The following BAZ2B variants were observed in gnomAD, a reference collection of about 807,000 sequenced individuals.
BAZ2B encodes bromodomain adjacent to zinc finger domain protein 2B.
Under a neutral mutation model 246.0 loss-of-function variants are expected in BAZ2B, and 91 were observed. That is an observed-to-expected ratio of 0.37 (90% confidence interval 0.31 to 0.44). The LOEUF (loss-of-function observed/expected upper bound fraction) is 0.44, where lower values mean the gene tolerates loss of function less well. BAZ2B is among the 20% of genes least tolerant of loss of function. BAZ2B has a pLI of 1.00. For missense variants in BAZ2B, 2,332 were observed against 2,533.7 expected (o/e 0.92, Z 1.71); for synonymous variants, 855 against 860.0 (o/e 0.99, Z 0.10).
chr2:159,452,686 C>T (rs17605572), intron 4 of BAZ2B, among the ~76,000 whole-genome samples: 30,860 of 152,098 alleles, frequency 0.2, 3,562 homozygotes, highest in South Asian at 0.33. Flanking sequence ...GCACGTTTGT[C>T]GAAAGTTTTA....
At chr2:159,658,198 T>C in the BAZ2B span, among the ~76,000 whole-genome samples, 2 of 152,244 alleles carry the variant, frequency 1.3e-5, no homozygotes, top group Non-Finnish European at 2.9e-5. Flanking sequence ...TATGATTTCT[T>C]TAGCCAGTTG....
intron 25 of BAZ2B, among the ~76,000 whole-genome samples, chr2:159,380,298 T>C (rs2061850040): frequency 6.6e-6 from 1 of 152,186 alleles, no homozygotes; most frequent in South Asian, 2.1e-4. Context: ...TCATCTTCAT[T>C]TTCTCACTTT....
chr2:159,545,467 G>C (rs1255339385), intron 2 of BAZ2B, among the ~76,000 whole-genome samples: 1 of 152,098 alleles, frequency 6.6e-6, no homozygotes, highest in African/African-American at 2.4e-5. Flanking sequence ...ATTTCAAAAA[G>C]AGGAATCTAT....
At chr2:159,620,274 G>A (rs1019417802), upstream of BAZ2B, among the ~76,000 whole-genome samples, 11 of 152,206 alleles carry the variant, frequency 7.2e-5, no homozygotes, top group African/African-American at 2.6e-4. Context: ...ATAACAAGCT[G>A]GCCACTGTTA....
intron 2 of BAZ2B, among the ~76,000 whole-genome samples, chr2:159,478,999 A>G (rs2078946990): frequency 6.6e-6 from 1 of 152,142 alleles, no homozygotes; most frequent in Non-Finnish European, 1.5e-5. Context: ...TATTGCCACA[A>G]CCATAAATTA....
chr2:159,537,356 A>C (rs535735643), intron 2 of BAZ2B, among the ~76,000 whole-genome samples: 1 of 152,340 alleles, frequency 6.6e-6, no homozygotes, highest in South Asian at 2.1e-4. Flanking sequence ...CCGTACACCA[A>C]TGTGATTGAA....
intron 2 of BAZ2B, among the ~76,000 whole-genome samples, chr2:159,513,515 T>G (rs1189174898): frequency 6.6e-6 from 1 of 152,188 alleles, no homozygotes; most frequent in Non-Finnish European, 1.5e-5. Flanking sequence ...TGATTCTTCA[T>G]CCTCATCCCA....
intron 31 of BAZ2B, among the ~76,000 whole-genome samples, chr2:159,341,142 A>G (rs1272137089): frequency 6.6e-6 from 1 of 152,156 alleles, no homozygotes; most frequent in East Asian, 1.9e-4. Context: ...TCACCTGTAA[A>G]GACATATGTA....
intron 5 of BAZ2B, among the ~76,000 whole-genome samples, chr2:159,448,001 C>T (rs994197541): frequency 1.3e-5 from 2 of 151,870 alleles, no homozygotes; most frequent in Non-Finnish European, 2.9e-5. Context: ...CATAGTGGTA[C>T]ATGACTGTAG....
chr2:159,492,422 T>C (rs2080607309), intron 2 of BAZ2B, among the ~76,000 whole-genome samples: 1 of 152,262 alleles, frequency 6.6e-6, no homozygotes, highest in Non-Finnish European at 1.5e-5. Context: ...TCTCTTTCAC[T>C]GCACTTACCA....
chr2:159,525,074 T>C lies in BAZ2B; in HGVS notation c.-3+30749A>G, dbSNP rs532762454. Among the ~76,000 whole-genome samples the C allele has an allele frequency of 3.9e-4, 60 of 152,198 alleles. 1 individual carries two copies. Among genetic ancestry groups the C allele is most frequent in the African/African-American group, 1.3e-3 (56 of 41,526 alleles). ...TACCATTTATACCGTAAGAGTGGTA[T>C]AAATAAAGTACTCTGAGAGCAAAAT... On this transcript the variant is annotated intron_variant, in intron 2 of 36. Coordinates refer to ENST00000392783, the MANE Select transcript of BAZ2B (RefSeq NM_013450.4).
At chr2:159,586,602 T>G (rs1467345922) in intron 1 of BAZ2B, among the ~76,000 whole-genome samples, 1 of 152,078 alleles carries the variant, frequency 6.6e-6, no homozygotes, top group Admixed American at 6.6e-5. Context: ...TCTTGAACAT[T>G]AAAAGACTTA....
intron 23 of BAZ2B, 53 bp from the exon 24 acceptor site, chr2:159,383,733 C>T (rs533709487): frequency 1.5e-5 from 22 of 1,447,260 alleles, no homozygotes; most frequent in South Asian, 1.2e-5. Flanking sequence ...TTATGCAATG[C>T]ATTAATTTGA....
rs2062473071 is a variant in BAZ2B at position 159,319,640 on chromosome 2, A to G, written c.*625T>C. 6.6e-6 allele frequency: 1 copy of G among 152,506 alleles called. No homozygotes were observed. The highest frequency in any genetic ancestry group is 2.4e-5 in the African/African-American group (1 of 41,424). The allele number at this position is 152,506 out of a possible 1,614,324, so 9.4% of individuals were successfully genotyped here. ...TTAACTACACAAGTGATGCAGCAACATATATATATAAATGTACTTGTAACT... is the reference window on the plus strand; with the variant it reads ...TTAACTACACAAGTGATGCAGCAACGTATATATATAAATGTACTTGTAACT... On this transcript the variant is annotated 3_prime_UTR_variant, in exon 37 of 37. Transcript: ENST00000392783. This position sits in a 1 kb window ranked among gnomAD's most constrained non-coding sequence, Gnocchi z 4.0.
At chr2:159,524,380 G>A (rs933794) in intron 2 of BAZ2B, among the ~76,000 whole-genome samples, 38,942 of 152,078 alleles carry the variant, frequency 0.26, 5,094 homozygotes, top group South Asian at 0.34. Flanking sequence ...GCTTGAGCCG[G>A]GAAGTCAAGG....
chr2:159,699,369 C>G, the BAZ2B span, among the ~76,000 whole-genome samples: 11 of 152,014 alleles, frequency 7.2e-5, no homozygotes, highest in African/African-American at 2.7e-4. Flanking sequence ...ACAGTGAGAC[C>G]CCACCTTTTT....
intron 6 of BAZ2B, among the ~76,000 whole-genome samples, chr2:159,443,448 C>CT (rs997260794): frequency 5.9e-5 from 9 of 151,924 alleles, no homozygotes; most frequent in Admixed American, 2.0e-4. Flanking sequence ...ATTAGCTGAA[C>CT]TTTTTTTTCA....
intron 2 of BAZ2B, among the ~76,000 whole-genome samples, chr2:159,542,482 G>C (rs2086778092): frequency 6.6e-6 from 1 of 151,944 alleles, no homozygotes; most frequent in South Asian, 2.1e-4. Context: ...TCTTCAATAA[G>C]ATTAATAAGC....
chr2:159,318,284 A>C (rs2062320220), downstream of BAZ2B, among the ~76,000 whole-genome samples: 2 of 152,356 alleles, frequency 1.3e-5, no homozygotes, highest in Admixed American at 1.3e-4. Flanking sequence ...TTTTTGCTTA[A>C]GCACCAGCCC....
Sources: gnomAD v4.1 joint callset for allele counts (sites outside exome capture counted in the v4.1 genomes callset) on GRCh38, gnomAD v4.1.1 for gene constraint, Gnocchi (gnomAD v3.1) non-coding constraint, MANE v1.5 for transcripts, NCBI Gene and HGNC (gene_info 2026-07-23, HGNC 2026-07-21) for gene names.